HELZ: variants seen among roughly 807,000 people sequenced by gnomAD.
The protein encoded by HELZ is ATP-dependent RNA helicase with zinc finger domain.
A neutral mutation model predicts 218.2 loss-of-function variants in HELZ; 23 were observed. That is an observed-to-expected ratio of 0.11 (90% confidence interval 0.08 to 0.15). HELZ has a LOEUF of 0.15. Among genes scored for constraint, HELZ ranks in the 10% least tolerant of loss-of-function variants. HELZ has a pLI of 1.00. For missense variants in HELZ, 1,813 were observed against 2,353.7 expected (o/e 0.77, Z 4.75); for synonymous variants, 814 against 829.4 (o/e 0.98, Z 0.32).
rs780834018 is a variant in HELZ at position 67,128,659 on chromosome 17, G to A, written c.3379C>T (p.Pro1127Ser). 5 of 1,613,818 alleles carry A rather than the reference G, an allele frequency of 3.1e-6. No homozygotes were observed. In the South Asian group the frequency reaches 5.5e-5, roughly 18 times the overall value. ...ATTAACAGAGGCTTTACCTTGGGTG[G>A]TGATTGCTGCTGTTTGTTGGTACTT... ...SGSTNKQQQSPPKGKSLHHTQ... is the reference protein window; with the variant it reads ...SGSTNKQQQSSPKGKSLHHTQ... Residue 1127 changes from proline (P) to serine (S), a missense_variant, in exon 24 of 33, where the codon CCA becomes TCA. Around this residue, in one of 4 missense-constraint regions of HELZ, gnomAD observed 938 missense variants for 1,027.5 expected, o/e 0.91. Transcript: ENST00000358691.
At chr17:67,170,492 C>A (rs1376496312) in intron 13 of HELZ, among the ~76,000 whole-genome samples, 1 of 151,810 alleles carries the variant, frequency 6.6e-6, no homozygotes, top group Admixed American at 6.6e-5. Context: ...CCAGCCTGGG[C>A]AACAGAGCGA....
intron 13 of HELZ, among the ~76,000 whole-genome samples, chr17:67,177,156 T>C (rs1416107731): frequency 6.6e-6 from 1 of 152,034 alleles, no homozygotes; most frequent in Non-Finnish European, 1.5e-5. Flanking sequence ...TCTCACTATG[T>C]TGCCCAGGCT....
In HELZ at chr17:67,104,152, G is replaced by C. The variant is rs552449255; in HGVS notation, c.5241+3017C>G. ...GGTAAAACTATAAAACTATAAAAAG[G>C]GGCCGGGTGCGGTGGCTCAAGCCTG... On this transcript the variant is annotated intron_variant, in intron 31 of 32. Transcript: ENST00000358691. Among the ~76,000 whole-genome samples the C allele has an allele frequency of 8.5e-4, 129 of 152,006 alleles. 1 individual carries two copies. In the Middle Eastern group the frequency reaches 0.01, roughly 12 times the overall value.
intron 5 of HELZ, among the ~76,000 whole-genome samples, chr17:67,213,617 T>A (rs1033672725): frequency 6.6e-6 from 1 of 151,644 alleles, no homozygotes; most frequent in Non-Finnish European, 1.5e-5. Flanking sequence ...CGAGACTCCA[T>A]CTCAAAAAAA....
rs57572316 is a variant in HELZ at position 67,077,719 on chromosome 17, C to CAA, written c.*531_*532dup. The CAA allele has an allele frequency of 0.13, 16,982 of 131,810 alleles. 3,429 individuals carry two copies. Among genetic ancestry groups the CAA allele is most frequent in the African/African-American group, 0.43 (15,520 of 36,094 alleles). The allele number at this position is 131,810 out of a possible 1,614,324, so 8.2% of individuals were successfully genotyped here. The stretch of plus-strand genomic sequence containing the variant: ...GTTTTAGAATGCAGCATCGTGTCAC[C>CAA]AAAAAAAAAAAAAAAGCTGATAAAA... On this transcript the variant is annotated 3_prime_UTR_variant, in exon 33 of 33. Transcript: ENST00000358691.
In HELZ at chr17:67,135,142, T is replaced by A. The variant is rs1460104247; in HGVS notation, c.3182+828A>T. Among the ~76,000 whole-genome samples the A allele has an allele frequency of 3.3e-5, 5 of 152,164 alleles. No homozygotes were observed. The South Asian group carries it at 1.0e-3, about 31-fold the overall frequency. ...TATTTTAACCATATTTAGTAGAAAC[T>A]GTTCCTTAAAACTAAAGTCTAATGA... On this transcript the variant is annotated intron_variant, in intron 23 of 32. Coordinates refer to ENST00000358691, the MANE Select transcript of HELZ (RefSeq NM_014877.4).
chr17:67,138,369 C>T (rs1037521480), intron 21 of HELZ, among the ~76,000 whole-genome samples: 2 of 152,142 alleles, frequency 1.3e-5, no homozygotes, highest in Non-Finnish European at 2.9e-5. Flanking sequence ...AGGGACAATG[C>T]TATTGGCCCC....
chr17:67,205,039 T>C (rs1270268911), intron 5 of HELZ, among the ~76,000 whole-genome samples: 5 of 151,984 alleles, frequency 3.3e-5, no homozygotes, highest in Non-Finnish European at 5.9e-5. Flanking sequence ...ACAAGTAAAA[T>C]GCTCTCGCCA....
At chr17:67,142,934 T>A (rs1320494318) in intron 21 of HELZ, among the ~76,000 whole-genome samples, 1 of 151,448 alleles carries the variant, frequency 6.6e-6, no homozygotes, top group East Asian at 1.9e-4. Flanking sequence ...TTTTTTTGTA[T>A]TTTTTTTGTA....
intron 13 of HELZ, among the ~76,000 whole-genome samples, chr17:67,177,653 A>T (rs1327237863): frequency 6.6e-6 from 1 of 151,900 alleles, no homozygotes; most frequent in African/African-American, 2.4e-5. Flanking sequence ...TGATAAAAAA[A>T]AAAAGCCTTT....
chr17:67,116,446 T>C (rs1375776749), intron 27 of HELZ, among the ~76,000 whole-genome samples: 2 of 150,902 alleles, frequency 1.3e-5, no homozygotes. Flanking sequence ...AAACTTTAAA[T>C]ATAAAGACAC....
At chr17:67,176,847 A>G (rs1005389571) in intron 13 of HELZ, among the ~76,000 whole-genome samples, 2 of 152,140 alleles carry the variant, frequency 1.3e-5, no homozygotes, top group African/African-American at 4.8e-5. Flanking sequence ...GTCTCAAAAT[A>G]GTAATAATTT....
At chr17:67,206,098 C>G (rs919999988) in intron 5 of HELZ, among the ~76,000 whole-genome samples, 8 of 152,156 alleles carry the variant, frequency 5.3e-5, no homozygotes, top group African/African-American at 1.7e-4. Flanking sequence ...AAACTTGTCT[C>G]GGCTATAAAA....
chr17:67,204,988 A>C (rs2040259071), intron 5 of HELZ, among the ~76,000 whole-genome samples: 1 of 152,212 alleles, frequency 6.6e-6, no homozygotes, highest in African/African-American at 2.4e-5. Context: ...TGTAAAACAG[A>C]AACACGTATA....
At chr17:67,134,566 C>G (rs1260815162) in intron 23 of HELZ, among the ~76,000 whole-genome samples, 3 of 151,928 alleles carry the variant, frequency 2.0e-5, no homozygotes, top group Non-Finnish European at 2.9e-5. Context: ...TAAATTAAAA[C>G]TCTACTTGAT....
At chr17:67,132,246 G>GTGTGTGTGTGTGTA (rs369179550) in intron 23 of HELZ, among the ~76,000 whole-genome samples, 2 of 151,212 alleles carry the variant, frequency 1.3e-5, no homozygotes, top group African/African-American at 4.9e-5. Context: ...GTGTGTGTGT[G>GTGTGTGTGTGTGTA]TACACAAATA....
intron 32 of HELZ, among the ~76,000 whole-genome samples, chr17:67,086,162 A>C (rs1353593974): frequency 6.6e-6 from 1 of 152,208 alleles, no homozygotes; most frequent in Non-Finnish European, 1.5e-5. Flanking sequence ...AAAAAGCAGA[A>C]AACAAACTTT....
chr17:67,218,923 A>G, intron 3 of HELZ, 101 bp from the exon 4 acceptor site: 1 of 752,468 alleles, frequency 1.3e-6, no homozygotes, highest in Non-Finnish European at 2.2e-6. Flanking sequence ...CTATCTGAAT[A>G]CTCTCAGCTA....
chr17:67,079,747 GTAAA>G lies in HELZ; in HGVS notation c.5495-1165_5495-1162del, dbSNP rs2036130643. Among the ~76,000 whole-genome samples the G allele has an allele frequency of 2.0e-5, 3 of 152,346 alleles. No homozygotes were observed. In the South Asian group the frequency reaches 6.2e-4, roughly 32 times the overall value. ...TTAAAAGCTTAGCCTATTTTATTAA[GTAAA>G]TAATTATCTTGTTGTGGTTACAGTT... On this transcript the variant is annotated intron_variant, in intron 32 of 32. Coordinates refer to ENST00000358691, the MANE Select transcript of HELZ (RefSeq NM_014877.4).
Sources: allele counts gnomAD v4.1 joint callset (sites outside exome capture counted in the v4.1 genomes callset), GRCh38; gene constraint gnomAD v4.1.1; regional missense constraint gnomAD v4.1.1; transcripts MANE v1.5; gene names NCBI Gene and HGNC (gene_info 2026-07-23, HGNC 2026-07-21).